Variants in TTC28 observed in about 807,000 individuals in gnomAD.
TTC28 encodes the protein tetratricopeptide repeat domain 28, also known as tetratricopeptide repeat protein 28.
Under a neutral mutation model 198.0 loss-of-function variants are expected in TTC28, and 61 were observed. The ratio of observed to expected loss-of-function variants is 0.31; its 90% CI spans 0.25 to 0.38. TTC28 has a LOEUF of 0.38. Ranked by LOEUF, TTC28 falls within the 10% of genes least tolerant of loss-of-function variation. TTC28 has a pLI of 1.00. For synonymous variants in TTC28, 1,171 were observed against 1,297.8 expected (o/e 0.90, Z 2.10); for missense variants, 2,678 against 3,164.0 (o/e 0.85, Z 3.69).
chr22:28,663,387 G>A (rs1160034888), intron 1 of TTC28, among the ~76,000 whole-genome samples: 1 of 150,472 alleles, frequency 6.6e-6, no homozygotes, highest in Non-Finnish European at 1.5e-5. Context: ...CTGAGGTACC[G>A]GGTTCATCTC....
At chr22:28,650,229 C>G (rs1394479522) in intron 1 of TTC28, among the ~76,000 whole-genome samples, 1 of 151,884 alleles carries the variant, frequency 6.6e-6, no homozygotes, top group Non-Finnish European at 1.5e-5. Flanking sequence ...GCACAACTGG[C>G]CTTTGCAGGG....
chr22:28,215,765 A>C (rs1927342331), intron 5 of TTC28, among the ~76,000 whole-genome samples: 1 of 152,176 alleles, frequency 6.6e-6, no homozygotes, highest in Non-Finnish European at 1.5e-5. Context: ...TACTGATCTT[A>C]TGGTTACTAT....
chr22:28,598,455 G>C (rs1244915903), intron 2 of TTC28, among the ~76,000 whole-genome samples: 1 of 139,976 alleles, frequency 7.1e-6, no homozygotes, highest in African/African-American at 2.7e-5. Flanking sequence ...CTTGCAGTGA[G>C]CTGAGATCGC....
intron 2 of TTC28, among the ~76,000 whole-genome samples, chr22:28,466,855 A>C (rs990135213): frequency 8.1e-5 from 12 of 147,722 alleles, no homozygotes; most frequent in East Asian, 5.9e-4. Flanking sequence ...ACACACACAC[A>C]CCCCTATGCC....
At chr22:28,515,695 T>C (rs2048772206) in intron 2 of TTC28, among the ~76,000 whole-genome samples, 1 of 152,136 alleles carries the variant, frequency 6.6e-6, no homozygotes. Flanking sequence ...CTAGCCACTA[T>C]ACATGGCATA....
intron 2 of TTC28, among the ~76,000 whole-genome samples, chr22:28,424,996 C>G (rs1167647392): frequency 6.6e-6 from 1 of 152,140 alleles, no homozygotes; most frequent in Non-Finnish European, 1.5e-5. Context: ...GACCTAAAAG[C>G]CTTTTGACAT....
At chr22:28,402,976 G>C (rs2046940532) in intron 2 of TTC28, among the ~76,000 whole-genome samples, 2 of 152,200 alleles carry the variant, frequency 1.3e-5, no homozygotes, top group Non-Finnish European at 2.9e-5. Context: ...TCTTGGGTCA[G>C]AAATCAGCAA....
At chr22:28,601,896 C>G (rs960956286) in intron 2 of TTC28, among the ~76,000 whole-genome samples, 6 of 151,950 alleles carry the variant, frequency 3.9e-5, no homozygotes, top group Non-Finnish European at 8.8e-5. Flanking sequence ...AATGCCAACT[C>G]CTATTCTGAT....
At chr22:28,422,564 G>A (rs2047275359) in intron 2 of TTC28, among the ~76,000 whole-genome samples, 2 of 151,058 alleles carry the variant, frequency 1.3e-5, no homozygotes, top group South Asian at 2.1e-4. Context: ...TCAGCCTCCC[G>A]AGTAGCTGGG....
At chr22:28,326,975 AACACACACACACACACACACACAC>A (rs57349023) in intron 2 of TTC28, among the ~76,000 whole-genome samples, 4 of 142,842 alleles carry the variant, frequency 2.8e-5, no homozygotes, top group African/African-American at 8.0e-5. Flanking sequence ...CACAAACACA[AACACACACACACACACACACACAC>A]ACACACACAC....
rs114039207 is a variant in TTC28 at position 28,077,558 on chromosome 22, C to T, written c.3932+16522G>A. On this transcript the variant is annotated intron_variant, in intron 12 of 22. Coordinates refer to ENST00000397906, the MANE Select transcript of TTC28 (RefSeq NM_001145418.2). ...AAGATAGCTTATGGACTGACATCTC[C>T]TCCAATACTCAATATTGTCAGACTT... 3.9e-3 allele frequency among the ~76,000 whole-genome samples: 589 copies of T among 152,306 alleles called. 2 individuals are homozygous for T. Among genetic ancestry groups the T allele is most frequent in the African/African-American group, 0.014 (566 of 41,562 alleles).
chr22:28,508,254 T>A (rs2146386448), intron 2 of TTC28, among the ~76,000 whole-genome samples: 1 of 152,040 alleles, frequency 6.6e-6, no homozygotes, highest in African/African-American at 2.4e-5. Flanking sequence ...TCAATCCTGG[T>A]TTCTGACAAA....
intron 12 of TTC28, among the ~76,000 whole-genome samples, chr22:28,073,124 A>G (rs1941053661): frequency 1.3e-5 from 2 of 152,254 alleles, no homozygotes; most frequent in African/African-American, 4.8e-5. Flanking sequence ...TTAAATCAAC[A>G]GCAACAAATG....
intron 2 of TTC28, among the ~76,000 whole-genome samples, chr22:28,576,597 G>C (rs1243621381): frequency 6.6e-6 from 1 of 152,054 alleles, no homozygotes; most frequent in East Asian, 1.9e-4. Context: ...AAATTCAGCA[G>C]TTAAGCCATC....
chr22:28,130,659 G>T (rs1454947058), intron 6 of TTC28, among the ~76,000 whole-genome samples: 3 of 152,204 alleles, frequency 2.0e-5, no homozygotes, highest in African/African-American at 7.2e-5. Context: ...TTCTATGAAA[G>T]ATAATTTTGA....
intron 12 of TTC28, among the ~76,000 whole-genome samples, chr22:28,032,965 G>A (rs1939193339): frequency 6.6e-6 from 1 of 152,202 alleles, no homozygotes; most frequent in Non-Finnish European, 1.5e-5. Context: ...AGGCTCCTTT[G>A]GGAGCTGAAG....
chr22:28,123,906 C>T (rs1054642084), intron 6 of TTC28, among the ~76,000 whole-genome samples: 3 of 152,102 alleles, frequency 2.0e-5, no homozygotes, highest in African/African-American at 7.2e-5. Flanking sequence ...TTGCTTGAAC[C>T]CGGGAGGCAG....
chr22:28,313,336 G>T (rs2045298777), intron 2 of TTC28, among the ~76,000 whole-genome samples: 1 of 152,194 alleles, frequency 6.6e-6, no homozygotes, highest in East Asian at 1.9e-4. Flanking sequence ...AATAGAAAAA[G>T]AAGGAATCCT....
chr22:28,460,736 T>G (rs1367499588), intron 2 of TTC28, among the ~76,000 whole-genome samples: 3 of 152,074 alleles, frequency 2.0e-5, no homozygotes, highest in Admixed American at 6.5e-5. Context: ...CAGGCTGCAG[T>G]GCAGTGGTGC....
Sources: gnomAD v4.1 joint callset for allele counts (sites outside exome capture counted in the v4.1 genomes callset) on GRCh38, gnomAD v4.1.1 for gene constraint, MANE v1.5 for transcripts, NCBI Gene and HGNC (gene_info 2026-07-23, HGNC 2026-07-21) for gene names.